LRRC66: variants seen among roughly 807,000 people sequenced by gnomAD.
LRRC66 encodes the protein leucine rich repeat containing 66, also known as leucine-rich repeat-containing protein 66.
Under a neutral mutation model 24.6 loss-of-function variants are expected in LRRC66, and 29 were observed. The observed-to-expected ratio is 1.18, with a 90% CI of 0.88 to 1.61. The LOEUF (loss-of-function observed/expected upper bound fraction) is 1.61, where lower values mean the gene tolerates loss of function less well. LRRC66 is among the 40% of genes most tolerant of loss of function. The pLI is 0.00. For synonymous variants in LRRC66, 411 were observed against 397.6 expected (o/e 1.03, Z -0.40); for missense variants, 1,124 against 1,058.0 (o/e 1.06, Z -0.87).
chr4:52,010,166 T>G (rs1388043483), intron 2 of LRRC66, among the ~76,000 whole-genome samples: 1 of 152,184 alleles, frequency 6.6e-6, no homozygotes, highest in Non-Finnish European at 1.5e-5. Flanking sequence ...AGAGCATTTA[T>G]GAAAGATCTA....
At chr4:52,020,118 T>C (rs1039058503) in intron 1 of LRRC66, among the ~76,000 whole-genome samples, 186 bp downstream of exon 1, 7 of 152,066 alleles carry the variant, frequency 4.6e-5, no homozygotes, top group Admixed American at 2.6e-4. Flanking sequence ...ACTGGGTGTG[T>C]ACATTTGTGA....
chr4:51,996,864 T>G (rs1222374402), intron 4 of LRRC66, among the ~76,000 whole-genome samples: 1 of 152,184 alleles, frequency 6.6e-6, no homozygotes, highest in African/African-American at 2.4e-5. Flanking sequence ...TCCATAATCT[T>G]ACCGACTCTG....
In LRRC66 at chr4:51,994,497, C is replaced by G; in HGVS notation, c.2525G>C (p.Arg842Thr). Reference protein sequence around the residue: ...SKAAEWHCSLRDLEFSNVDVL... With the variant: ...SKAAEWHCSLTDLEFSNVDVL... The stretch of plus-strand genomic sequence containing the variant: ...GTCCACATTTGAAAATTCTAAGTCT[C>G]TAAGTGAGCAATGCCATTCTGCTGC... The change falls in exon 5 of 5, where the codon AGA becomes ACA. Residue 842 changes from arginine to threonine, a missense_variant. Arg to Thr is a moderately conservative substitution (Grantham distance 71). Transcript: ENST00000682860. The G allele has an allele frequency of 6.2e-7, 1 of 1,614,198 alleles. No homozygotes were observed. The highest frequency in any genetic ancestry group is 8.5e-7 in the Non-Finnish European group (1 of 1,180,036).
At chr4:52,003,133 A>T in intron 3 of LRRC66, 90 bp downstream of exon 3, 3 of 989,472 alleles carry the variant, frequency 3.0e-6, no homozygotes, top group South Asian at 3.4e-5. Flanking sequence ...GTACTACTGG[A>T]CATGAAGAAA....
Position 51,994,691 on chromosome 4 carries a change from G to A in LRRC66, c.2331C>T (p.Leu777=), listed in dbSNP as rs1736249576. The A allele has an allele frequency of 6.2e-7, 1 of 1,614,212 alleles. No homozygotes were observed. Among genetic ancestry groups the A allele is most frequent in the Non-Finnish European group, 8.5e-7 (1 of 1,180,034 alleles). The change falls in exon 5 of 5, where the codon CTC becomes CTT. Residue 777 remains leucine, a synonymous_variant. Coordinates refer to ENST00000682860, the MANE Select transcript of LRRC66 (RefSeq NM_001024611.3). ...ACATGCCAGAGTCTGGAGCAGAAAT[G>A]AGAGGTTTTTCAAAGGGATCTTCTT... The part of the protein sequence containing the change: ...KNQEDPFEKP[L]ISAPDSGMYK...
chr4:52,018,044 A>T (rs1372991572), intron 1 of LRRC66: 1 of 985,332 alleles, frequency 1.0e-6, no homozygotes, highest in Non-Finnish European at 1.2e-6. Flanking sequence ...GTAGTTTATT[A>T]CATAAATGAC....
chr4:51,998,080 G>T, intron 3 of LRRC66, 143 bp from the exon 4 acceptor site: 1 of 705,082 alleles, frequency 1.4e-6, no homozygotes, highest in Non-Finnish European at 2.3e-6. Context: ...GGAATTAGTG[G>T]GGTTTTAAGT....
At chr4:52,006,119 G>A (rs1308646228) in intron 2 of LRRC66, among the ~76,000 whole-genome samples, 1 of 152,206 alleles carries the variant, frequency 6.6e-6, no homozygotes. Flanking sequence ...TAAGTGGAGG[G>A]AGTGATCATG....
Position 51,995,220 on chromosome 4 carries a change from C to G in LRRC66, c.1802G>C (p.Gly601Ala). 1 of 1,614,240 alleles carries G rather than the reference C, an allele frequency of 6.2e-7. No individual in the cohort carries two copies. Among genetic ancestry groups the G allele is most frequent in the Non-Finnish European group, 8.5e-7 (1 of 1,180,046 alleles). The stretch of plus-strand genomic sequence containing the variant: ...AGTGCCCCCTCTTTCCTTACTATCT[C>G]CAGTCCTCTGTGCTTCTGCATGTGT... The part of the protein sequence containing the change: ...MLTHAEAQRT[G>A]DSKERGGTEQ... The change falls in exon 5 of 5, where the codon GGA becomes GCA. Residue 601 changes from glycine to alanine, a missense_variant. Physicochemically the swap from Gly to Ala is moderately conservative, Grantham distance 60. Transcript: ENST00000682860.
At position 51,997,954 on chromosome 4, in the gene LRRC66, A is replaced by G. The variant is rs768538520; in HGVS notation, c.667-17T>C. 11 of 1,605,820 alleles carry G rather than the reference A, an allele frequency of 6.9e-6. No homozygotes were observed. In the Admixed American group the frequency reaches 1.8e-4, roughly 27 times the overall value. On this transcript the variant is annotated splice_polypyrimidine_tract_variant and intron_variant, in intron 3 of 4. Transcript: ENST00000682860. Reference sequence around the variant, plus strand: ...GTCTATGACCTGTTTGAGAAGAAACAAGTTTAGGATGGTCTGTGGATAAAG... The same window carrying G: ...GTCTATGACCTGTTTGAGAAGAAACGAGTTTAGGATGGTCTGTGGATAAAG...
At position 51,994,417 on chromosome 4, in the gene LRRC66, C is replaced by T. The variant is rs1337337917; in HGVS notation, c.2605G>A (p.Ala869Thr). ...TCTGAGTCTCTTTCATGGAAGGCAG[C>T]CTTATCAGGATCTGAGGGAACTTCA... Reference protein sequence around the residue: ...SAEVPSDPDKAAFHERDSDIL... With the variant: ...SAEVPSDPDKTAFHERDSDIL... The change falls in exon 5 of 5, where the codon GCT (alanine) becomes ACT (threonine). Residue 869 changes from alanine (A) to threonine (T), a missense_variant. Physicochemically the swap from Ala to Thr is moderately conservative, Grantham distance 58 (BLOSUM62 0). Transcript: ENST00000682860. The T allele has an allele frequency of 1.2e-6, 2 of 1,613,780 alleles. No individual in the cohort carries two copies. Among genetic ancestry groups the T allele is most frequent in the East Asian group, 2.2e-5 (1 of 44,880 alleles).
intron 3 of LRRC66, among the ~76,000 whole-genome samples, chr4:51,998,876 T>TA (rs1736383449): frequency 6.6e-6 from 1 of 152,164 alleles, no homozygotes. Context: ...TCACCTATTC[T>TA]ACAGAGGAAG....
intron 3 of LRRC66, among the ~76,000 whole-genome samples, chr4:51,998,158 A>G (rs542878938): frequency 6.6e-6 from 1 of 152,292 alleles, no homozygotes; most frequent in South Asian, 2.1e-4. Flanking sequence ...CCTCCCTCCC[A>G]GGGTTGCTGG....
At position 51,997,946 on chromosome 4, in the gene LRRC66, G is replaced by A; in HGVS notation, c.667-9C>T. 6.2e-7 allele frequency: 1 copy of A among 1,608,696 alleles called. No homozygotes were observed. Among genetic ancestry groups the A allele is most frequent in the Non-Finnish European group, 8.5e-7 (1 of 1,176,172 alleles). ...TTGCTAAGGTCTATGACCTGTTTGA[G>A]AAGAAACAAGTTTAGGATGGTCTGT... On this transcript the variant is annotated splice_polypyrimidine_tract_variant and intron_variant, in intron 3 of 4. Transcript: ENST00000682860.
In LRRC66 at chr4:51,994,944, G is replaced by A; in HGVS notation, c.2078C>T (p.Ser693Phe). 1.2e-6 allele frequency: 2 copies of A among 1,614,130 alleles called. No individual in the cohort carries two copies. Among genetic ancestry groups the A allele is most frequent in the Non-Finnish European group, 1.7e-6 (2 of 1,180,032 alleles). The change falls in exon 5 of 5, where the codon TCT (serine) becomes TTT (phenylalanine). Residue 693 changes from serine to phenylalanine, a missense_variant. Physicochemically the swap from Ser to Phe is radical, Grantham distance 155 (BLOSUM62 -2). Coordinates refer to ENST00000682860, the MANE Select transcript of LRRC66 (RefSeq NM_001024611.3). ...ACTCTCCAACTCACAGCAAGTGTCA[G>A]AAGGAGTGGATTTCTGCACTGGTTC... is the stretch of plus-strand genomic sequence containing the variant. ...NKEPVQKSTP[S>F]DTCCELESDC...
intron 3 of LRRC66, among the ~76,000 whole-genome samples, chr4:52,001,736 C>T (rs1736452365): frequency 6.6e-6 from 1 of 152,160 alleles, no homozygotes; most frequent in Non-Finnish European, 1.5e-5. Flanking sequence ...GGCCACGCTC[C>T]CCATCACTGC....
chr4:52,003,321 C>G lies in LRRC66; in HGVS notation c.568G>C (p.Asp190His). The part of the protein sequence containing the change: ...FNGILQIGWS[D>H]FHNCLQLENL... The stretch of plus-strand genomic sequence containing the variant: ...TCCAGTTGCAGGCAGTTGTGAAAAT[C>G]AGACCACCCTATTTGCAATATCCCA... Residue 190 changes from aspartate (D) to histidine (H), a missense_variant, in exon 3 of 5, where the codon GAT becomes CAT. Asp to His is a moderately conservative substitution (Grantham distance 81). Transcript: ENST00000682860. The G allele has an allele frequency of 6.2e-7, 1 of 1,613,876 alleles. No individual in the cohort carries two copies. The highest frequency in any genetic ancestry group is 8.5e-7 in the Non-Finnish European group (1 of 1,179,880).
intron 1 of LRRC66, chr4:52,017,855 AGAAAAT>A: frequency 1.0e-6 from 1 of 985,420 alleles, no homozygotes; most frequent in Non-Finnish European, 1.2e-6. Flanking sequence ...CTGATTTTTC[AGAAAAT>A]ACATATTCAG....
Position 51,994,258 on chromosome 4 carries a change from A to T in LRRC66, c.*121T>A, listed in dbSNP as rs1313213520. The T allele has an allele frequency of 8.6e-6, 8 of 933,706 alleles. No individual in the cohort carries two copies. Among genetic ancestry groups the T allele is most frequent in the Non-Finnish European group, 1.3e-5 (8 of 639,204 alleles). 57.8% of individuals were successfully genotyped at this position (933,706 alleles called of 1,614,324 possible). A position where few individuals can be genotyped will look rare whatever the true frequency, so the allele number is the denominator to read the frequency against. On this transcript the variant is annotated 3_prime_UTR_variant, in exon 5 of 5. Coordinates refer to ENST00000682860, the MANE Select transcript of LRRC66 (RefSeq NM_001024611.3). Reference sequence around the variant, plus strand: ...AAAACCCTCATTTGCATCAGTGTCCACTTGGTTGGAATTCATGTTGTCTCC... The same window carrying T: ...AAAACCCTCATTTGCATCAGTGTCCTCTTGGTTGGAATTCATGTTGTCTCC...
Sources: allele counts gnomAD v4.1 joint callset (sites outside exome capture counted in the v4.1 genomes callset), GRCh38; gene constraint gnomAD v4.1.1; transcripts MANE v1.5; gene names NCBI Gene and HGNC (gene_info 2026-07-23, HGNC 2026-07-21).